The following NRXN1 variants were observed in gnomAD, a reference collection of about 807,000 sequenced individuals.
NRXN1 encodes the protein neurexin 1.
Under a neutral mutation model 150.9 loss-of-function variants are expected in NRXN1, and 39 were observed. The ratio of observed to expected loss-of-function variants is 0.26; its 90% confidence interval spans 0.20 to 0.34. The LOEUF (loss-of-function observed/expected upper bound fraction) is 0.34, where lower values mean the gene tolerates loss of function less well. Among genes scored for constraint, NRXN1 ranks in the 10% least tolerant of loss-of-function variants. The pLI is 1.00. For missense variants in NRXN1, 1,815 were observed against 1,949.9 expected, an observed-to-expected ratio of 0.93 and a Z score of 1.30; for synonymous variants, 924 against 757.0, an observed-to-expected ratio of 1.22 and a Z score of -3.62.
At position 50,346,997 on chromosome 2, in the gene NRXN1, G is replaced by T; in HGVS notation, c.3365-110027C>A. On this transcript the variant is annotated intron_variant, in intron 17 of 22. Coordinates refer to ENST00000401669, the MANE Select transcript of NRXN1 (RefSeq NM_001330078.2). This position sits in a 1 kb window ranked among gnomAD's most constrained non-coding sequence, Gnocchi z 5.0. Reference sequence around the variant, plus strand: ...AGCCGCCGCGGGAGGCAAAGTTTGGGGCGCGGGGAGAGGAGAGGGCGCAGG... The same window carrying T: ...AGCCGCCGCGGGAGGCAAAGTTTGGTGCGCGGGGAGAGGAGAGGGCGCAGG... The T allele has an allele frequency of 7.3e-7, 1 of 1,364,982 alleles. No homozygotes were observed. Among genetic ancestry groups the T allele is most frequent in the East Asian group, 3.8e-5 (1 of 26,234 alleles). The allele number at this position is 1,364,982 out of a possible 1,614,324, so 84.6% of individuals were successfully genotyped here. A position where few individuals can be genotyped will look rare whatever the true frequency, so the allele number is the denominator to read the frequency against.
intron 17 of NRXN1, among the ~76,000 whole-genome samples, chr2:50,444,949 A>T (rs917550571): frequency 6.6e-6 from 1 of 152,050 alleles, no homozygotes; most frequent in Non-Finnish European, 1.5e-5. Context: ...TTCCCCCTTA[A>T]ATTTAACACT....
chr2:49,942,390 T>G (rs187834681), intron 22 of NRXN1, among the ~76,000 whole-genome samples: 5 of 152,082 alleles, frequency 3.3e-5, no homozygotes, highest in African/African-American at 9.7e-5. Flanking sequence ...ATTCAAATAT[T>G]CAAAACGAGA....
At chr2:50,057,568 G>A (rs1453379128) in intron 19 of NRXN1, among the ~76,000 whole-genome samples, 1 of 152,110 alleles carries the variant, frequency 6.6e-6, no homozygotes, top group Non-Finnish European at 1.5e-5. Context: ...ATCCCTCCAT[G>A]AGGCCAAGTA....
At chr2:50,390,301 CT>C (rs1207637079) in intron 17 of NRXN1, among the ~76,000 whole-genome samples, 1 of 152,034 alleles carries the variant, frequency 6.6e-6, no homozygotes, top group Non-Finnish European at 1.5e-5. Flanking sequence ...TCCTCCTGCC[CT>C]TTTTTTAATT....
At chr2:50,294,382 G>T (rs570480591) in intron 17 of NRXN1, among the ~76,000 whole-genome samples, 6 of 152,114 alleles carry the variant, frequency 3.9e-5, no homozygotes, top group African/African-American at 1.4e-4. Flanking sequence ...TAACAACAGA[G>T]ACATTTATAG....
At chr2:50,357,309 T>A (rs1572663818) in intron 17 of NRXN1, among the ~76,000 whole-genome samples, 1 of 144,276 alleles carries the variant, frequency 6.9e-6, no homozygotes, top group Non-Finnish European at 1.5e-5. Flanking sequence ...TTTATTTTTT[T>A]TTTTATTTAT....
intron 5 of NRXN1, among the ~76,000 whole-genome samples, chr2:50,625,515 G>A (rs1371946752): frequency 6.6e-6 from 1 of 152,110 alleles, no homozygotes; most frequent in Non-Finnish European, 1.5e-5. Context: ...CCCAGTACCA[G>A]TTATTAGAGA....
chr2:50,538,113 A>T (rs1003298759), intron 10 of NRXN1, 140 bp downstream of exon 10: 9 of 871,660 alleles, frequency 1.0e-5, no homozygotes, highest in Non-Finnish European at 1.4e-5. Context: ...AATCCATGTC[A>T]GGTATGGCTG....
In NRXN1 at chr2:50,799,487, C is replaced by G. The variant is rs564663082; in HGVS notation, c.832+122382G>C. 2.6e-5 allele frequency among the ~76,000 whole-genome samples: 4 copies of G among 152,286 alleles called. No individual in the cohort carries two copies. The East Asian group carries it at 7.7e-4, about 29-fold the overall frequency. On this transcript the variant is annotated intron_variant, in intron 5 of 22. Transcript: ENST00000401669. ...TGGGGGATGTGTTCAGCACATAGTACAGACAATCCCCTAATTACAGTTGTT... is the reference window on the plus strand; with the variant it reads ...TGGGGGATGTGTTCAGCACATAGTAGAGACAATCCCCTAATTACAGTTGTT...
chr2:50,609,350 A>T (rs1276471227), intron 8 of NRXN1, among the ~76,000 whole-genome samples: 1 of 152,190 alleles, frequency 6.6e-6, no homozygotes, highest in Non-Finnish European at 1.5e-5. Flanking sequence ...AATGAAGAGC[A>T]GGGCCCTTCT....
intron 18 of NRXN1, among the ~76,000 whole-genome samples, chr2:50,096,053 G>A (rs1002074095): frequency 5.3e-5 from 8 of 150,212 alleles, no homozygotes; most frequent in Admixed American, 4.0e-4. Context: ...TTCAGTTGTT[G>A]CCTCAACTTC....
At chr2:50,312,589 A>G (rs1575042315) in intron 17 of NRXN1, among the ~76,000 whole-genome samples, 1 of 151,634 alleles carries the variant, frequency 6.6e-6, no homozygotes. Context: ...TGTACTTCCA[A>G]CCTCTCTCTC....
chr2:49,943,355 G>A (rs918884134), intron 22 of NRXN1, among the ~76,000 whole-genome samples: 1 of 152,130 alleles, frequency 6.6e-6, no homozygotes, highest in African/African-American at 2.4e-5. Context: ...ACAATGTGCT[G>A]CAAATTTTTA....
At chr2:50,118,248 A>G (rs1160890899) in intron 18 of NRXN1, among the ~76,000 whole-genome samples, 2 of 152,188 alleles carry the variant, frequency 1.3e-5, no homozygotes, top group Non-Finnish European at 2.9e-5. Flanking sequence ...CTGATTCAGT[A>G]GATCTGGAGT....
intron 5 of NRXN1, among the ~76,000 whole-genome samples, chr2:50,786,414 T>C (rs1223634947): frequency 6.6e-6 from 1 of 152,136 alleles, no homozygotes; most frequent in Non-Finnish European, 1.5e-5. Context: ...AAGAAAAGAA[T>C]GAAGGAAACC....
chr2:50,633,073 T>C (rs1389384565), intron 5 of NRXN1: 1 of 152,150 alleles, frequency 6.6e-6, no homozygotes, highest in African/African-American at 2.4e-5. Context: ...TATTGGTGAA[T>C]ATACTTAACA....
intron 16 of NRXN1, among the ~76,000 whole-genome samples, chr2:50,469,341 G>C (rs557987007): frequency 1.3e-5 from 2 of 151,710 alleles, no homozygotes; most frequent in South Asian, 4.2e-4. Flanking sequence ...AAATAAATTA[G>C]AAATAAAAGG....
At chr2:50,107,495 T>C (rs1701815480) in intron 18 of NRXN1, among the ~76,000 whole-genome samples, 1 of 147,524 alleles carries the variant, frequency 6.8e-6, no homozygotes, top group Non-Finnish European at 1.5e-5. Context: ...ATCACAATTA[T>C]TGTCACATGC....
chr2:51,022,411 A>G (rs1669755239), intron 2 of NRXN1, among the ~76,000 whole-genome samples: 1 of 152,162 alleles, frequency 6.6e-6, no homozygotes, highest in Admixed American at 6.5e-5. Context: ...CCTCTGCACT[A>G]CAACTGCATC....
Sources: allele counts gnomAD v4.1 joint callset (sites outside exome capture counted in the v4.1 genomes callset), GRCh38; gene constraint gnomAD v4.1.1; non-coding constraint Gnocchi (gnomAD v3.1); transcripts MANE v1.5; gene names NCBI Gene and HGNC (gene_info 2026-07-23, HGNC 2026-07-21).